TBC1D5: variants seen among roughly 807,000 people sequenced by gnomAD.
The protein encoded by TBC1D5 is TBC1 domain family member 5.
Under a neutral mutation model 100.3 loss-of-function variants are expected in TBC1D5, and 75 were observed. The observed-to-expected ratio is 0.75, with a 90% confidence interval of 0.62 to 0.91. TBC1D5 has a LOEUF of 0.91. Among genes scored for constraint, TBC1D5 ranks in the 40% least tolerant of loss-of-function variants. TBC1D5 has a pLI of 0.00. For missense variants in TBC1D5, 910 were observed against 942.4 expected, an observed-to-expected ratio of 0.97 and a Z score of 0.45; for synonymous variants, 323 against 325.6, an observed-to-expected ratio of 0.99 and a Z score of 0.09.
intron 2 of TBC1D5, among the ~76,000 whole-genome samples, chr3:17,533,571 T>G (rs935710402): frequency 7.2e-5 from 11 of 152,328 alleles, no homozygotes; most frequent in African/African-American, 2.6e-4. Context: ...TCCTAAAACC[T>G]GTTTTAGTCA....
intron 3 of TBC1D5, among the ~76,000 whole-genome samples, chr3:17,503,656 G>A (rs996605147): frequency 1.3e-5 from 2 of 149,652 alleles, no homozygotes; most frequent in Non-Finnish European, 2.9e-5. Context: ...ACGTTAGTAA[G>A]TTTAAGAAAC....
At chr3:17,343,176 A>C (rs1330588271) in intron 13 of TBC1D5, among the ~76,000 whole-genome samples, 1 of 152,172 alleles carries the variant, frequency 6.6e-6, no homozygotes, top group African/African-American at 2.4e-5. Context: ...TTTAGCATGA[A>C]GCGTTGTTGA....
chr3:17,284,351 C>A (rs1045233979), intron 15 of TBC1D5, among the ~76,000 whole-genome samples: 1 of 152,116 alleles, frequency 6.6e-6, no homozygotes, highest in African/African-American at 2.4e-5. Context: ...CTCCTGACTT[C>A]GAGTGATCCG....
At chr3:17,228,663 G>GTGA (rs2075139545) in intron 17 of TBC1D5, among the ~76,000 whole-genome samples, 1 of 151,926 alleles carries the variant, frequency 6.6e-6, no homozygotes, top group South Asian at 2.1e-4. Context: ...ATGTGCCCTG[G>GTGA]TGTGAGCTAC....
At chr3:17,348,947 A>T (rs2090234833) in intron 13 of TBC1D5, among the ~76,000 whole-genome samples, 1 of 152,198 alleles carries the variant, frequency 6.6e-6, no homozygotes, top group Admixed American at 6.5e-5. Flanking sequence ...AGTAACATGG[A>T]ATTTAACTAC....
intron 15 of TBC1D5, among the ~76,000 whole-genome samples, chr3:17,262,478 GT>G (rs746293280): frequency 0.15 from 17,571 of 114,898 alleles, 919 homozygotes; most frequent in African/African-American, 0.25. Context: ...CCAAAACAAT[GT>G]TTTTTTTTTT....
At chr3:17,514,943 T>C (rs1284670653) in intron 2 of TBC1D5, among the ~76,000 whole-genome samples, 2 of 151,136 alleles carry the variant, frequency 1.3e-5, no homozygotes, top group Non-Finnish European at 3.0e-5. Context: ...CTTTTATATA[T>C]TTATATATTA....
intron 13 of TBC1D5, among the ~76,000 whole-genome samples, chr3:17,352,565 A>C (rs1426205525): frequency 6.6e-6 from 1 of 151,842 alleles, no homozygotes. Flanking sequence ...TTCAAACTAA[A>C]TAATGGGATG....
rs981380919 is a variant in TBC1D5, at chr3:17,251,438, C to A, written c.1331+7068G>T. ...ATACTCACGGGAACCCCCCCCCCCCCAGTAGAAGCGATTAGAAGTGGAGGT... is the reference window on the plus strand; with the variant it reads ...ATACTCACGGGAACCCCCCCCCCCCAAGTAGAAGCGATTAGAAGTGGAGGT... On this transcript the variant is annotated intron_variant, in intron 16 of 21. Coordinates refer to ENST00000253692, the Ensembl canonical transcript of TBC1D5. Among the ~76,000 whole-genome samples, 201 of 113,270 alleles carry A rather than the reference C, an allele frequency of 1.8e-3. No individual in the cohort carries two copies. In the Middle Eastern group the frequency reaches 0.022, roughly 13 times the overall value. 74.3% of individuals were successfully genotyped at this position (113,270 alleles called of 152,430 possible).
intron 2 of TBC1D5, among the ~76,000 whole-genome samples, chr3:17,529,136 TGAG>T (rs2096181258): frequency 6.6e-6 from 1 of 152,186 alleles, no homozygotes; most frequent in Non-Finnish European, 1.5e-5. Flanking sequence ...ACCCCTTCGA[TGAG>T]TGACTACTCA....
intron 13 of TBC1D5, among the ~76,000 whole-genome samples, chr3:17,335,467 G>A (rs1280497479): frequency 1.3e-5 from 2 of 152,034 alleles, no homozygotes; most frequent in African/African-American, 4.8e-5. Flanking sequence ...ACCATAAGGA[G>A]AAAGACCCAT....
rs1181725719 is a variant in TBC1D5, at chr3:17,482,947, G to A, written c.97+25527C>T. On this transcript the variant is annotated intron_variant, in intron 3 of 21. Coordinates refer to ENST00000253692, the Ensembl canonical transcript of TBC1D5. Reference sequence around the variant, plus strand: ...TGCCCTCAGTATGGTGTTCATTAAAGTCTCAGATGTTTTGTTTGTATCAGT... The same window carrying A: ...TGCCCTCAGTATGGTGTTCATTAAAATCTCAGATGTTTTGTTTGTATCAGT... Among the ~76,000 whole-genome samples the A allele has an allele frequency of 2.0e-5, 3 of 152,234 alleles. No homozygotes were observed. The East Asian group carries it at 5.8e-4, about 29-fold the overall frequency.
Position 17,258,577 on chromosome 3 carries a change from T to C in TBC1D5, c.1260A>G (p.Pro420=), listed in dbSNP as rs2077965363. 4.3e-6 allele frequency: 7 copies of C among 1,612,592 alleles called. No individual in the cohort carries two copies. In the South Asian group the frequency reaches 7.7e-5, roughly 18 times the overall value. Reference sequence around the variant, plus strand: ...AATTTGGATGGAATTGATAAGTCACTGGTCTTGGATTTCTCTAAAAAAAAA... The same window carrying C: ...AATTTGGATGGAATTGATAAGTCACCGGTCTTGGATTTCTCTAAAAAAAAA... Residue 420 remains proline, a synonymous_variant, in exon 16 of 22, where the codon CCA becomes CCG. Transcript: ENST00000253692.
At chr3:17,319,343 G>C (rs936794082) in intron 13 of TBC1D5, among the ~76,000 whole-genome samples, 5 of 151,658 alleles carry the variant, frequency 3.3e-5, no homozygotes, top group African/African-American at 7.3e-5. Context: ...CCATAGCCTC[G>C]TATCTCACTA....
chr3:17,711,477 T>A (rs965566774), intron 1 of TBC1D5, among the ~76,000 whole-genome samples: 1 of 152,176 alleles, frequency 6.6e-6, no homozygotes, highest in Non-Finnish European at 1.5e-5. Flanking sequence ...CCCTCATACA[T>A]AGATAATCAT....
chr3:17,563,159 T>C (rs951409618), intron 2 of TBC1D5, among the ~76,000 whole-genome samples: 9 of 152,166 alleles, frequency 5.9e-5, no homozygotes, highest in South Asian at 4.1e-4. Flanking sequence ...TTGACTAAAA[T>C]TGGGAATACT....
At chr3:17,174,847 C>A (rs562463722) in intron 19 of TBC1D5, among the ~76,000 whole-genome samples, 11 of 152,288 alleles carry the variant, frequency 7.2e-5, no homozygotes, top group African/African-American at 2.6e-4. Context: ...CCGCCTCGGC[C>A]TCCTAAAGTG....
intron 3 of TBC1D5, among the ~76,000 whole-genome samples, chr3:17,490,009 T>C (rs1286571722): frequency 6.6e-6 from 1 of 152,208 alleles, no homozygotes; most frequent in Non-Finnish European, 1.5e-5. Context: ...TCAGCATCTG[T>C]TGTTTCTTGG....
chr3:17,644,891 T>C (rs1407740294), intron 1 of TBC1D5, among the ~76,000 whole-genome samples: 1 of 152,122 alleles, frequency 6.6e-6, no homozygotes, highest in East Asian at 1.9e-4. Flanking sequence ...GCAGGATTTA[T>C]GATGACTTCA....
Sources: gnomAD v4.1 joint callset for allele counts (sites outside exome capture counted in the v4.1 genomes callset) on GRCh38, gnomAD v4.1.1 for gene constraint, MANE v1.5 for transcripts, NCBI Gene and HGNC (gene_info 2026-07-23, HGNC 2026-07-21) for gene names.